Variants in TBC1D19 observed in about 807,000 individuals in gnomAD.
TBC1D19 encodes the protein TBC1 domain family, member 19.
Under a neutral mutation model 89.0 loss-of-function variants are expected in TBC1D19, and 60 were observed. That is an observed-to-expected ratio of 0.67 (90% confidence interval 0.55 to 0.84). The LOEUF is 0.84. Among genes scored for constraint, TBC1D19 ranks in the 40% least tolerant of loss-of-function variants. The pLI, the probability that TBC1D19 is intolerant of heterozygous loss-of-function variation, is 0.00. For synonymous variants in TBC1D19, 189 were observed against 199.7 expected (o/e 0.95, Z 0.45); for missense variants, 500 against 610.8 (o/e 0.82, Z 1.91).
intron 1 of TBC1D19, among the ~76,000 whole-genome samples, chr4:26,589,533 A>C (rs146249242): frequency 1.3e-5 from 2 of 152,084 alleles, no homozygotes; most frequent in Non-Finnish European, 2.9e-5. Context: ...GACTCAGTCC[A>C]TGTGCTTTAT....
the TBC1D19 span, among the ~76,000 whole-genome samples, chr4:26,767,391 C>T: frequency 6.6e-6 from 1 of 152,196 alleles, no homozygotes; most frequent in Non-Finnish European, 1.5e-5. Flanking sequence ...AATAAATTTC[C>T]ATTTCTGTCC....
intron 3 of TBC1D19, among the ~76,000 whole-genome samples, chr4:26,615,628 A>G (rs1227145040): frequency 6.6e-6 from 1 of 152,156 alleles, no homozygotes; most frequent in African/African-American, 2.4e-5. Context: ...CCCTATGCAC[A>G]TGTGCTTTAG....
intron 3 of TBC1D19, among the ~76,000 whole-genome samples, chr4:26,614,734 T>C (rs996475818): frequency 1.3e-5 from 2 of 152,128 alleles, no homozygotes; most frequent in Non-Finnish European, 2.9e-5. Flanking sequence ...TGGAGTGCAG[T>C]GCAATGATCT....
chr4:26,703,771 G>A (rs1020749243), intron 13 of TBC1D19, among the ~76,000 whole-genome samples: 49 of 151,566 alleles, frequency 3.2e-4, no homozygotes, highest in African/African-American at 1.1e-3. Context: ...GGCTAACATG[G>A]TGAAACCCCA....
chr4:26,593,856 T>A (rs1423906386), intron 1 of TBC1D19, among the ~76,000 whole-genome samples: 5 of 151,650 alleles, frequency 3.3e-5, no homozygotes, highest in African/African-American at 7.3e-5. Flanking sequence ...GCTGGAGAGG[T>A]TGTGGAGAAA....
chr4:26,605,363 T>G (rs1740926494), intron 1 of TBC1D19, among the ~76,000 whole-genome samples: 1 of 151,114 alleles, frequency 6.6e-6, no homozygotes, highest in African/African-American at 2.4e-5. Flanking sequence ...TTCATCCATG[T>G]CCCTACAAAG....
At chr4:26,799,214 G>T in the TBC1D19 span, among the ~76,000 whole-genome samples, 4 of 152,114 alleles carry the variant, frequency 2.6e-5, no homozygotes, top group East Asian at 7.7e-4. Context: ...GTGTGGTATT[G>T]GGGCCTATAG....
intron 13 of TBC1D19, among the ~76,000 whole-genome samples, chr4:26,694,354 C>T (rs1407163817): frequency 3.3e-5 from 5 of 152,138 alleles, no homozygotes; most frequent in South Asian, 2.1e-4. Flanking sequence ...GGGGGAGGGG[C>T]GACCGACATT....
chr4:26,749,100 C>A (rs1055945855), intron 19 of TBC1D19, among the ~76,000 whole-genome samples: 1 of 152,096 alleles, frequency 6.6e-6, no homozygotes, highest in African/African-American at 2.4e-5. Flanking sequence ...TTTTTCAAAG[C>A]CACAAATTTA....
upstream of TBC1D19, among the ~76,000 whole-genome samples, chr4:26,583,753 A>G (rs149541382): frequency 2.6e-5 from 4 of 152,324 alleles, no homozygotes; most frequent in Admixed American, 6.5e-5. Context: ...GAGCCTAACA[A>G]TTCGTGGTTG....
chr4:26,585,864 C>T (rs757551322), intron 1 of TBC1D19, among the ~76,000 whole-genome samples: 19 of 152,224 alleles, frequency 1.2e-4, no homozygotes, highest in Middle Eastern at 3.4e-3. Context: ...GGATTACAGA[C>T]GTGAGCCACC....
the TBC1D19 span, among the ~76,000 whole-genome samples, chr4:26,819,420 G>A: frequency 6.6e-6 from 1 of 152,198 alleles, no homozygotes; most frequent in Admixed American, 6.5e-5. Context: ...GGTGGAGAGA[G>A]GAGGGAAGCA....
chr4:26,725,445 T>A (rs928400836), intron 15 of TBC1D19, among the ~76,000 whole-genome samples: 1 of 152,100 alleles, frequency 6.6e-6, no homozygotes, highest in Non-Finnish European at 1.5e-5. Context: ...AAAGTCTTGC[T>A]CTGTCGTCCA....
chr4:26,694,916 AGGTAGATAAAACCACAAAGATG>A (rs1422471647), intron 13 of TBC1D19, among the ~76,000 whole-genome samples: 1 of 152,188 alleles, frequency 6.6e-6, no homozygotes, highest in Non-Finnish European at 1.5e-5. Context: ...CAAAGACCAA[AGGTAGATAAAACCACAAAGATG>A]GGGAAAAAAC....
chr4:26,825,922 C>A, the TBC1D19 span, among the ~76,000 whole-genome samples: 1 of 152,182 alleles, frequency 6.6e-6, no homozygotes, highest in Non-Finnish European at 1.5e-5. Flanking sequence ...GCTAAGCTGG[C>A]CGGGCATGGT....
chr4:26,778,471 G>A, the TBC1D19 span, among the ~76,000 whole-genome samples: 1 of 151,142 alleles, frequency 6.6e-6, no homozygotes, highest in South Asian at 2.1e-4. Context: ...GAAGGGGGAA[G>A]GGAAGAAGGA....
At chr4:26,775,136 A>G in the TBC1D19 span, among the ~76,000 whole-genome samples, 2 of 152,138 alleles carry the variant, frequency 1.3e-5, no homozygotes, top group Non-Finnish European at 2.9e-5. Context: ...GAAAGCTTGT[A>G]CCCTCCAAAA....
In TBC1D19 at chr4:26,735,004, A is replaced by ATATGTATATGTATATATGTATACACG. The variant is rs1491111791; in HGVS notation, c.1085-440_1085-439insATATATGTATACACGTATGTATATGT. The stretch of plus-strand genomic sequence containing the variant: ...TATGTATATGTATATATGTATACAC[A>ATATGTATATGTATATATGTATACACG]TATGTATATGTGTATACACATGTAT... On this transcript the variant is annotated intron_variant, in intron 15 of 20. Transcript: ENST00000264866. Among the ~76,000 whole-genome samples, 5 of 127,230 alleles carry ATATGTATATGTATATATGTATACACG rather than the reference A, an allele frequency of 3.9e-5. 1 individual carries two copies. The highest frequency in any genetic ancestry group is 5.9e-5 in the African/African-American group (2 of 33,978). The allele number at this position is 127,230 out of a possible 152,430, so 83.5% of individuals were successfully genotyped here.
At chr4:26,823,755 A>T in the TBC1D19 span, among the ~76,000 whole-genome samples, 1 of 152,230 alleles carries the variant, frequency 6.6e-6, no homozygotes, top group Non-Finnish European at 1.5e-5. Flanking sequence ...ACTTGCAACC[A>T]CAAGAGTCCT....
Sources: allele counts gnomAD v4.1 joint callset (sites outside exome capture counted in the v4.1 genomes callset), GRCh38; gene constraint gnomAD v4.1.1; transcripts MANE v1.5; gene names NCBI Gene and HGNC (gene_info 2026-07-23, HGNC 2026-07-21).